CIART: variants seen among roughly 807,000 people sequenced by gnomAD.
CIART encodes the protein circadian associated repressor of transcription.
CIART carries 7 observed loss-of-function variants against 22.1 expected under a neutral mutation model. The ratio of observed to expected loss-of-function variants is 0.32; its 90% CI spans 0.18 to 0.59. CIART has a LOEUF of 0.59. Among genes scored for constraint, CIART ranks in the 20% least tolerant of loss-of-function variants. CIART has a pLI of 0.86. For synonymous variants in CIART, 163 were observed against 174.6 expected (o/e 0.93, Z 0.53); for missense variants, 440 against 478.0 (o/e 0.92, Z 0.74).
At position 150,286,633 on chromosome 1, in the gene CIART, T is replaced by C; in HGVS notation, c.837T>C (p.Phe279=). ...PPLSSPGTIS[F]SHGPLGTGTG... ...TCAGCTCCCCAGGTACTATCTCCTT[T>C]AGCCATGGTCCTTTAGGCACTGGAA... The change falls in exon 5 of 5, where the codon TTT becomes TTC. Residue 279 remains phenylalanine (F), a synonymous_variant. Transcript: ENST00000290363. The C allele has an allele frequency of 1.9e-6, 3 of 1,613,056 alleles. No homozygotes were observed. Among genetic ancestry groups the C allele is most frequent in the Non-Finnish European group, 2.5e-6 (3 of 1,179,000 alleles).
rs1454421726 is a variant in CIART at position 150,286,702 on chromosome 1, C to T, written c.906C>T (p.Pro302=). 1 of 1,614,072 alleles carries T rather than the reference C, an allele frequency of 6.2e-7. No homozygotes were observed. Among genetic ancestry groups the T allele is most frequent in the Non-Finnish European group, 8.5e-7 (1 of 1,179,946 alleles). ...TTTTCCTCCAGCATGGAGTGCAACC[C>T]TTCACCCACTCTGCCCCAACCACCC... ...VILFLQHGVQ[P]FTHSAPTTPV... Residue 302 remains proline (P), a synonymous_variant, in exon 5 of 5, where the codon CCC becomes CCT. Coordinates refer to ENST00000290363, the MANE Select transcript of CIART (RefSeq NM_144697.4).
chr1:150,286,597 C>T lies in CIART; in HGVS notation c.801C>T (p.Cys267=). ...CCTGGATCCACACCACTCCAATTTG[C>T]AACCCCCCTCTCAGCTCCCCAGGTA... is the stretch of plus-strand genomic sequence containing the variant. ...NLTWIHTTPI[C]NPPLSSPGTI... The change falls in exon 5 of 5, where the codon TGC becomes TGT. Residue 267 remains cysteine, a synonymous_variant. Coordinates refer to ENST00000290363, the MANE Select transcript of CIART (RefSeq NM_144697.4). 1 of 1,608,798 alleles carries T rather than the reference C, an allele frequency of 6.2e-7. No homozygotes were observed. The highest frequency in any genetic ancestry group is 8.5e-7 in the Non-Finnish European group (1 of 1,175,112).
intron 4 of CIART, 152 bp from the exon 5 acceptor site, chr1:150,286,278 A>G: frequency 1.4e-6 from 1 of 708,236 alleles, no homozygotes; most frequent in East Asian, 2.6e-5. Flanking sequence ...TTACTTAATC[A>G]TGGCCTGGCA....
chr1:150,284,148 G>A (rs1487308590), intron 2 of CIART, among the ~76,000 whole-genome samples: 2 of 151,814 alleles, frequency 1.3e-5, no homozygotes, highest in Non-Finnish European at 2.9e-5. Context: ...CTCCCCAGTC[G>A]CTGGGATTAC....
At position 150,283,886 on chromosome 1, in the gene CIART, C is replaced by T. The variant is rs201427036; in HGVS notation, c.442+6C>T. On this transcript the variant is annotated splice_donor_region_variant and intron_variant, in intron 2 of 4. Coordinates refer to ENST00000290363, the MANE Select transcript of CIART (RefSeq NM_144697.4). The stretch of plus-strand genomic sequence containing the variant: ...GATGGGTCGTTTTGAGAGAGGTAAT[C>T]TTATTGTTGCATTCATTTGGGCTAG... The T allele has an allele frequency of 9.0e-6, 14 of 1,549,786 alleles. No individual in the cohort carries two copies. The Admixed American group carries it at 2.4e-4, about 26-fold the overall frequency.
rs1653238185 is a variant in CIART, at chr1:150,283,057, G to A, written c.-211G>A. ...TCCCAAGCTCTTAATGGGCGGGGGT[G>A]GGGGTAGAAATGTCTTTTTCTATTG... On this transcript the variant is annotated 5_prime_UTR_variant, in exon 1 of 5. Transcript: ENST00000290363. The A allele has an allele frequency of 2.6e-6, 1 of 386,096 alleles. No individual in the cohort carries two copies. Among genetic ancestry groups the A allele is most frequent in the African/African-American group, 2.1e-5 (1 of 47,924 alleles). The allele number at this position is 386,096 out of a possible 1,614,324, so 23.9% of individuals were successfully genotyped here. A position where few individuals can be genotyped will look rare whatever the true frequency, so the allele number is the denominator to read the frequency against.
intron 4 of CIART, chr1:150,285,649 A>T (rs960153365): frequency 1.3e-5 from 2 of 152,370 alleles, no homozygotes; most frequent in South Asian, 4.1e-4. Flanking sequence ...CTAATTTTCA[A>T]TCAGCCATGG....
intron 4 of CIART, 54 bp from the exon 5 acceptor site, chr1:150,286,376 C>G: frequency 6.9e-7 from 1 of 1,443,478 alleles, no homozygotes; most frequent in South Asian, 1.2e-5. Context: ...CCAGGTGGAG[C>G]TCATCTGAAT....
intron 4 of CIART, chr1:150,285,348 C>G (rs1653427476): frequency 6.5e-6 from 1 of 152,696 alleles, no homozygotes; most frequent in African/African-American, 2.4e-5. Context: ...CCAGCCTGGC[C>G]AAGATGGTGA....
intron 2 of CIART, among the ~76,000 whole-genome samples, chr1:150,284,112 G>C (rs1359181525): frequency 6.6e-6 from 1 of 151,888 alleles, no homozygotes; most frequent in African/African-American, 2.4e-5. Flanking sequence ...CCACCTCCTG[G>C]GTTCAAGCGA....
chr1:150,285,193 G>C (rs1377752812), intron 4 of CIART: 3 of 177,184 alleles, frequency 1.7e-5, no homozygotes, highest in South Asian at 1.3e-4. Context: ...AGTAGGGGAG[G>C]GGGGCACCAA....
intron 2 of CIART, among the ~76,000 whole-genome samples, 177 bp downstream of exon 2, chr1:150,284,057 G>T (rs1180875653): frequency 7.1e-6 from 1 of 141,042 alleles, no homozygotes; most frequent in Admixed American, 6.9e-5. Context: ...TGCTCTTGTT[G>T]CCCAGGCTGG....
At chr1:150,284,540 A>C (rs1399987095) in intron 3 of CIART, 36 bp downstream of exon 3, 1 of 1,596,582 alleles carries the variant, frequency 6.3e-7, no homozygotes, top group African/African-American at 1.3e-5. Flanking sequence ...GGTCTTCATA[A>C]AAAGGAGATT....
chr1:150,284,374 T>C, intron 2 of CIART, 52 bp from the exon 3 acceptor site: 1 of 1,489,000 alleles, frequency 6.7e-7, no homozygotes, highest in Non-Finnish European at 9.4e-7. Context: ...TTCCTTTACC[T>C]GACTACATGC....
chr1:150,285,242 A>C (rs1484227657), intron 4 of CIART: 1 of 160,080 alleles, frequency 6.2e-6, no homozygotes, highest in Admixed American at 6.2e-5. Flanking sequence ...CTGGTATAGA[A>C]GTGACCTATT....
chr1:150,284,928 G>A, intron 4 of CIART: 1 of 579,046 alleles, frequency 1.7e-6, no homozygotes, highest in Admixed American at 3.2e-5. Context: ...GGAACTCCAT[G>A]AAGTTTAATC....
In CIART at chr1:150,283,230, A is replaced by G; in HGVS notation, c.-38A>G. ...CAGTTGCAGGTTCCGATCTTTGGGT[A>G]CTCCAGGAGCTGTTCTATAGCCCCT... On this transcript the variant is annotated 5_prime_UTR_variant, in exon 1 of 5. Coordinates refer to ENST00000290363, the MANE Select transcript of CIART (RefSeq NM_144697.4). 1 of 1,478,416 alleles carries G rather than the reference A, an allele frequency of 6.8e-7. No homozygotes were observed. 91.6% of individuals were successfully genotyped at this position (1,478,416 alleles called of 1,614,324 possible). A position where few individuals can be genotyped will look rare whatever the true frequency, so the allele number is the denominator to read the frequency against.
chr1:150,286,937 C>T lies in CIART; in HGVS notation c.1141C>T (p.His381Tyr), dbSNP rs782153706. 4 of 1,581,216 alleles carry T rather than the reference C, an allele frequency of 2.5e-6. No individual in the cohort carries two copies. The South Asian group carries it at 3.5e-5, about 14-fold the overall frequency. Residue 381 changes from histidine (H) to tyrosine (Y), a missense_variant, in exon 5 of 5, where the codon CAT (histidine) becomes TAT (tyrosine). Coordinates refer to ENST00000290363, the MANE Select transcript of CIART (RefSeq NM_144697.4). ...CCATCCTCCAGTTGCTGCTGATGCT[C>T]ATCTTCTCAACCTCTAGCCCAGGGC... ...RSHPPVAADA[H>Y]LLNL is the part of the protein sequence containing the mutation.
intron 4 of CIART, 177 bp downstream of exon 4, chr1:150,284,885 G>GTTGTT: frequency 3.3e-6 from 2 of 606,106 alleles, no homozygotes; most frequent in Non-Finnish European, 5.8e-6. Context: ...TGTTGTTGTT[G>GTTGTT]TTGTTGTTGT....
Sources: gnomAD v4.1 joint callset for allele counts (sites outside exome capture counted in the v4.1 genomes callset) on GRCh38, gnomAD v4.1.1 for gene constraint, MANE v1.5 for transcripts, NCBI Gene and HGNC (gene_info 2026-07-23, HGNC 2026-07-21) for gene names.